The following SGCD variants were observed in gnomAD, a reference collection of about 807,000 sequenced individuals.
SGCD encodes sarcoglycan delta.
A neutral mutation model predicts 36.6 loss-of-function variants in SGCD; 18 were observed. The observed-to-expected ratio is 0.49, with a 90% CI of 0.34 to 0.73. The LOEUF (loss-of-function observed/expected upper bound fraction) is 0.73. SGCD is among the 30% of genes least tolerant of loss of function. The pLI, the probability that SGCD is intolerant of heterozygous loss-of-function variation, is 0.01. For missense variants in SGCD, 387 were observed against 346.7 expected (o/e 1.12, Z -0.92); for synonymous variants, 133 against 130.6 (o/e 1.02, Z -0.12).
the SGCD span, among the ~76,000 whole-genome samples, chr5:155,782,960 A>G: frequency 6.6e-6 from 1 of 152,074 alleles, no homozygotes; most frequent in Non-Finnish European, 1.5e-5. Context: ...AAAAAAAATG[A>G]TGCATAAGGA....
At chr5:156,542,845 A>G (rs1225844655) in intron 4 of SGCD, among the ~76,000 whole-genome samples, 2 of 152,198 alleles carry the variant, frequency 1.3e-5, no homozygotes, top group Non-Finnish European at 2.9e-5. Context: ...TGTCTAGAGT[A>G]TCACAGCAAA....
chr5:155,764,970 A>G, the SGCD span, among the ~76,000 whole-genome samples: 1 of 152,164 alleles, frequency 6.6e-6, no homozygotes, highest in African/African-American at 2.4e-5. Context: ...AAACTCTAAT[A>G]AATGTTGTTT....
At chr5:156,643,548 C>T (rs1000332307) in intron 6 of SGCD, among the ~76,000 whole-genome samples, 5 of 151,710 alleles carry the variant, frequency 3.3e-5, no homozygotes, top group Non-Finnish European at 4.4e-5. Flanking sequence ...ATAACAGGAG[C>T]GGAAGAAACC....
chr5:156,047,240 G>A (rs1020000914), intron 1 of SGCD, among the ~76,000 whole-genome samples: 11 of 152,164 alleles, frequency 7.2e-5, no homozygotes, highest in African/African-American at 2.7e-4. Flanking sequence ...GCAGAGTGAA[G>A]CAGCAAGTGT....
chr5:156,000,375 C>T (rs141407737), intron 1 of SGCD, among the ~76,000 whole-genome samples: 25 of 152,222 alleles, frequency 1.6e-4, no homozygotes, highest in Middle Eastern at 3.4e-3. Context: ...GGACCTGAGC[C>T]GCAGGTGGAC....
chr5:156,266,703 C>T (rs1371613639), intron 3 of SGCD, among the ~76,000 whole-genome samples: 1 of 151,526 alleles, frequency 6.6e-6, no homozygotes, highest in African/African-American at 2.4e-5. Flanking sequence ...GTCTCAAACT[C>T]CTGTGCTCAA....
chr5:156,461,500 G>C (rs1754487398), intron 3 of SGCD, among the ~76,000 whole-genome samples: 1 of 151,994 alleles, frequency 6.6e-6, no homozygotes, highest in Non-Finnish European at 1.5e-5. Flanking sequence ...ATTAAAGATA[G>C]CTATAATGAA....
At chr5:155,872,188 GGTGA>G (rs1314086350) in intron 1 of SGCD, among the ~76,000 whole-genome samples, 2 of 152,168 alleles carry the variant, frequency 1.3e-5, no homozygotes, top group African/African-American at 4.8e-5. Context: ...CCCTTTCCTA[GGTGA>G]GTAATGCCTG....
chr5:156,753,529 T>G (rs2113155556), intron 7 of SGCD, among the ~76,000 whole-genome samples: 1 of 152,340 alleles, frequency 6.6e-6, no homozygotes, highest in South Asian at 2.1e-4. Flanking sequence ...AGGAGTGTAC[T>G]AGTCCATTTT....
At chr5:156,721,994 G>A (rs1202927872) in intron 7 of SGCD, among the ~76,000 whole-genome samples, 2 of 152,162 alleles carry the variant, frequency 1.3e-5, no homozygotes, top group Non-Finnish European at 2.9e-5. Flanking sequence ...AAAGTACTTG[G>A]CAACTGAAAA....
At chr5:155,984,948 A>G (rs933339286) in intron 1 of SGCD, among the ~76,000 whole-genome samples, 8 of 152,180 alleles carry the variant, frequency 5.3e-5, no homozygotes, top group Non-Finnish European at 1.0e-4. Flanking sequence ...TATGAGATTA[A>G]TTCTTGTAAA....
chr5:156,641,729 G>A (rs554060345), intron 6 of SGCD, among the ~76,000 whole-genome samples: 52 of 152,222 alleles, frequency 3.4e-4, no homozygotes, highest in African/African-American at 1.1e-3. Context: ...ATCTCCTCCC[G>A]TGGGCCCTGT....
chr5:156,649,842 C>T (rs1763393548), intron 7 of SGCD, among the ~76,000 whole-genome samples: 1 of 151,932 alleles, frequency 6.6e-6, no homozygotes, highest in Non-Finnish European at 1.5e-5. Context: ...GCACATGTAC[C>T]CTAAAATTTG....
At chr5:156,589,082 G>T in intron 4 of SGCD, 149 bp from the exon 5 acceptor site, 1 of 531,760 alleles carries the variant, frequency 1.9e-6, no homozygotes, top group East Asian at 3.3e-5. Context: ...ATGTACATAG[G>T]GATCTTTAAA....
chr5:155,897,647 T>G (rs1430327845), intron 1 of SGCD, among the ~76,000 whole-genome samples: 1 of 152,032 alleles, frequency 6.6e-6, no homozygotes, highest in East Asian at 1.9e-4. Flanking sequence ...TTCATAAACT[T>G]TTTTCCTATT....
In SGCD at chr5:156,188,452, A is replaced by G. The variant is rs1279247723; in HGVS notation, c.-44+64433A>G. Among the ~76,000 whole-genome samples the G allele has an allele frequency of 2.0e-5, 3 of 152,330 alleles. No individual in the cohort carries two copies. In the East Asian group the frequency reaches 5.8e-4, roughly 29 times the overall value. On this transcript the variant is annotated intron_variant, in intron 3 of 9. Transcript: ENST00000517913. ...AAGGAGGTCTCAGGCTAGTTCTAAG[A>G]GAATAATCTCCAGGACCTACTCAAA...
chr5:156,671,643 G>A (rs1753299639), intron 7 of SGCD, among the ~76,000 whole-genome samples: 1 of 152,142 alleles, frequency 6.6e-6, no homozygotes, highest in Non-Finnish European at 1.5e-5. Context: ...GGGACTTATT[G>A]GGTGGCAGGC....
At chr5:156,311,331 T>C (rs545776927) in intron 3 of SGCD, among the ~76,000 whole-genome samples, 22 of 152,306 alleles carry the variant, frequency 1.4e-4, no homozygotes, top group Admixed American at 3.9e-4. Context: ...AGTGTGGTTA[T>C]TGACCCCGAA....
intron 3 of SGCD, among the ~76,000 whole-genome samples, chr5:156,145,922 A>C (rs1762698565): frequency 6.6e-6 from 1 of 152,222 alleles, no homozygotes; most frequent in Admixed American, 6.5e-5. Context: ...CTTTAAAAAA[A>C]GGGATTTGAG....
Sources: gnomAD v4.1 joint callset for allele counts (sites outside exome capture counted in the v4.1 genomes callset) on GRCh38, gnomAD v4.1.1 for gene constraint, MANE v1.5 for transcripts, NCBI Gene and HGNC (gene_info 2026-07-23, HGNC 2026-07-21) for gene names.